The following C2 variants were observed in gnomAD, a reference collection of about 807,000 sequenced individuals.
C2 encodes C3/C5 convertase.
A neutral mutation model predicts 85.2 loss-of-function variants in C2; 64 were observed. The ratio of observed to expected loss-of-function variants is 0.75; its 90% confidence interval spans 0.61 to 0.92. The LOEUF is 0.92. C2 is among the 40% of genes least tolerant of loss of function. C2 has a pLI of 0.00. For synonymous variants in C2, 311 were observed against 370.8 expected, an observed-to-expected ratio of 0.84 and a Z score of 1.85; for missense variants, 820 against 971.6, an observed-to-expected ratio of 0.84 and a Z score of 2.07.
chr6:31,901,985 C>T (rs1767351446), intron 1 of C2: 1 of 148,140 alleles, frequency 6.8e-6, no homozygotes, highest in Non-Finnish European at 1.5e-5. Flanking sequence ...GCCGGCTCCG[C>T]GTGGGCGTAA....
chr6:31,945,138 G>T lies in C2; in HGVS notation c.2080-40G>T, dbSNP rs1173180424. ...AGGGAGGTTGGGGCTTACAGTTGGG[G>T]CTGTGGCAGCCTCCCAGCCAGTTCT... On this transcript the variant is annotated intron_variant, in intron 17 of 17. Coordinates refer to ENST00000299367, the MANE Select transcript of C2 (RefSeq NM_000063.6). The surrounding 1 kb of genome is among the most constrained non-coding windows in gnomAD (Gnocchi z 5.3). 1 of 1,611,580 alleles carries T rather than the reference G, an allele frequency of 6.2e-7. No individual in the cohort carries two copies. Among genetic ancestry groups the T allele is most frequent in the Non-Finnish European group, 8.5e-7 (1 of 1,178,896 alleles).
chr6:31,903,504 C>T (rs143928576), intron 1 of C2, among the ~76,000 whole-genome samples: 3,248 of 152,088 alleles, frequency 0.021, 119 homozygotes, highest in East Asian at 0.12. Context: ...GTGGCAGGTG[C>T]CTGTAATCCC....
upstream of C2, among the ~76,000 whole-genome samples, chr6:31,898,797 T>G (rs1407637348): frequency 6.6e-6 from 1 of 152,120 alleles, no homozygotes; most frequent in Non-Finnish European, 1.5e-5. Context: ...ATAGAGTTCA[T>G]GTGCATCCCC....
chr6:31,932,919 G>C (rs960305137), intron 3 of C2, among the ~76,000 whole-genome samples: 1 of 152,262 alleles, frequency 6.6e-6, no homozygotes, highest in African/African-American at 2.4e-5. Context: ...CTGGAGACCA[G>C]CCCGGCCAAC....
chr6:31,900,320 G>A (rs774934754), upstream of C2: 1 of 1,611,556 alleles, frequency 6.2e-7, no homozygotes, highest in Non-Finnish European at 8.5e-7. This position sits in a 1 kb window ranked among gnomAD's most constrained non-coding sequence, Gnocchi z 9.7. Flanking sequence ...GTTCTTTAAG[G>A]GGTTTCCACC....
At chr6:31,913,488 A>G (rs747786248) in intron 1 of C2, among the ~76,000 whole-genome samples, 8 of 152,168 alleles carry the variant, frequency 5.3e-5, no homozygotes, top group Admixed American at 1.3e-4. Context: ...AGGCACAAGA[A>G]TCATTTGAAC....
chr6:31,931,793 G>A (rs1269438948), intron 3 of C2, among the ~76,000 whole-genome samples: 12 of 152,094 alleles, frequency 7.9e-5, no homozygotes, highest in African/African-American at 2.9e-4. Flanking sequence ...CCTCCCAGAC[G>A]GGGTGGTGGC....
rs533333936 is a variant in C2, at chr6:31,944,324, C to G, written c.1902+98C>G. ...GTCTGGCTGCTTTCTCTCTCTGACG[C>G]GGGTCACCCCTCCTCCCAAGCCTCA... is the stretch of plus-strand genomic sequence containing the variant. On this transcript the variant is annotated intron_variant, in intron 15 of 17. Coordinates refer to ENST00000299367, the MANE Select transcript of C2 (RefSeq NM_000063.6). This position sits in a 1 kb window ranked among gnomAD's most constrained non-coding sequence, Gnocchi z 5.1. The G allele has an allele frequency of 1.2e-5, 10 of 853,704 alleles. No individual in the cohort carries two copies. The African/African-American group carries it at 1.5e-4, about 13-fold the overall frequency. 52.9% of individuals were successfully genotyped at this position (853,704 alleles called of 1,614,324 possible).
chr6:31,935,121 A>G lies in C2; in HGVS notation c.850-802A>G, dbSNP rs1011013497. The G allele has an allele frequency of 5.1e-5, 49 of 964,884 alleles. No individual in the cohort carries two copies. The highest frequency in any genetic ancestry group is 6.0e-5 in the Non-Finnish European group (49 of 811,202). The allele number at this position is 964,884 out of a possible 1,614,324, so 59.8% of individuals were successfully genotyped here. A position where few individuals can be genotyped will look rare whatever the true frequency, so the allele number is the denominator to read the frequency against. On this transcript the variant is annotated intron_variant, in intron 6 of 17. Coordinates refer to ENST00000299367, the MANE Select transcript of C2 (RefSeq NM_000063.6). This position sits in a 1 kb window ranked among gnomAD's most constrained non-coding sequence, Gnocchi z 4.3. Reference sequence around the variant, plus strand: ...TTGTTTTGTAATTGTGCTTTTCACAATACTTCATGTAACATTATAGATGGT... The same window carrying G: ...TTGTTTTGTAATTGTGCTTTTCACAGTACTTCATGTAACATTATAGATGGT...
chr6:31,928,625 C>A (rs1199501059), intron 2 of C2, 107 bp from the exon 3 acceptor site: 1 of 1,095,552 alleles, frequency 9.1e-7, no homozygotes, highest in Non-Finnish European at 1.4e-6. Flanking sequence ...GTTTTGACAG[C>A]CAGTTGACCA....
rs1769042834 is a variant in C2, at chr6:31,922,485, A to G, written c.-100+2459A>G. The stretch of plus-strand genomic sequence containing the variant: ...AGAAATTTTCAGCTGCAAGGTGCTG[A>G]GCTCTCCAGGGGAGAATAAGGCATC... On this transcript the variant is annotated intron_variant, in intron 1 of 3. Transcript: ENST00000413154. This position sits in a 1 kb window ranked among gnomAD's most constrained non-coding sequence, Gnocchi z 4.8. Among the ~76,000 whole-genome samples the G allele has an allele frequency of 2.0e-5, 3 of 152,126 alleles. No homozygotes were observed. The South Asian group carries it at 6.2e-4, about 32-fold the overall frequency.
Position 31,943,792 on chromosome 6 carries a change from G to C in C2, c.1716G>C (p.Lys572Asn), listed in dbSNP as rs376278843. Residue 572 changes from lysine (K) to asparagine (N), a missense_variant, in exon 13 of 18, where the codon AAG becomes AAC. Transcript: ENST00000299367. The surrounding 1 kb of genome is among the most constrained non-coding windows in gnomAD (Gnocchi z 6.4). ...IALLKLAQKV[K>N]MSTHARPICL... Reference sequence around the variant, plus strand: ...TGCTGAAGCTGGCCCAGAAAGTAAAGATGTCCACCCATGCCAGGTGCCTGG... The same window carrying C: ...TGCTGAAGCTGGCCCAGAAAGTAAACATGTCCACCCATGCCAGGTGCCTGG... 2.5e-4 allele frequency: 405 copies of C among 1,612,994 alleles called. No individual in the cohort carries two copies. Among genetic ancestry groups the C allele is most frequent in the Non-Finnish European group, 3.3e-4 (387 of 1,180,040 alleles).
At chr6:31,919,410 G>A (rs1469145584), upstream of C2, among the ~76,000 whole-genome samples, 1 of 152,198 alleles carries the variant, frequency 6.6e-6, no homozygotes, top group Non-Finnish European at 1.5e-5. Flanking sequence ...CACCCAAAGT[G>A]CTGGGATTAC....
At chr6:31,910,718 A>G (rs622871) in intron 1 of C2, among the ~76,000 whole-genome samples, 122,226 of 152,014 alleles carry the variant, frequency 0.8, 50,033 homozygotes, top group South Asian at 0.93. Context: ...GGTGGCCCAC[A>G]CCTGTAATCC....
chr6:31,918,212 G>A (rs1252818449), upstream of C2, among the ~76,000 whole-genome samples: 1 of 151,930 alleles, frequency 6.6e-6, no homozygotes, highest in African/African-American at 2.4e-5. Flanking sequence ...GGAAGCCCAG[G>A]AGTTTGAGGC....
At chr6:31,923,072 C>T (rs565348443), upstream of C2, among the ~76,000 whole-genome samples, 1 of 152,268 alleles carries the variant, frequency 6.6e-6, no homozygotes, top group East Asian at 1.9e-4. Flanking sequence ...AGTGAAAACA[C>T]GGTTACATTT....
At chr6:31,908,658 AAAAAAAAG>A (rs1767890593) in intron 1 of C2, among the ~76,000 whole-genome samples, 1 of 151,760 alleles carries the variant, frequency 6.6e-6, no homozygotes, top group Non-Finnish European at 1.5e-5. Flanking sequence ...TCTCAAAAAA[AAAAAAAAG>A]AAAAAAAGAA....
chr6:31,945,594 GTTGAC>G lies in C2; in HGVS notation c.*244_*248del. 1 of 592,426 alleles carries G rather than the reference GTTGAC, an allele frequency of 1.7e-6. No homozygotes were observed. Among genetic ancestry groups the G allele is most frequent in the Non-Finnish European group, 3.0e-6 (1 of 332,238 alleles). The allele number at this position is 592,426 out of a possible 1,614,324, so 36.7% of individuals were successfully genotyped here. On this transcript the variant is annotated 3_prime_UTR_variant, in exon 18 of 18. Coordinates refer to ENST00000299367, the MANE Select transcript of C2 (RefSeq NM_000063.6). The surrounding 1 kb of genome is among the most constrained non-coding windows in gnomAD (Gnocchi z 5.3). ...GGCCTGTCCCCAGATTCCTTCCCTG[GTTGAC>G]TTGACTCATGCTTGTTTCACTTTCA...
At chr6:31,925,283 C>T (rs767898104), upstream of C2, among the ~76,000 whole-genome samples, 34 of 151,624 alleles carry the variant, frequency 2.2e-4, no homozygotes, top group African/African-American at 8.2e-4. Context: ...GAGAGTCAGC[C>T]GAGTATTGCG....
Sources: allele counts gnomAD v4.1 joint callset (sites outside exome capture counted in the v4.1 genomes callset), GRCh38; gene constraint gnomAD v4.1.1; non-coding constraint Gnocchi (gnomAD v3.1); transcripts MANE v1.5; gene names NCBI Gene and HGNC (gene_info 2026-07-23, HGNC 2026-07-21).